Variants in RB1 observed in about 807,000 individuals in gnomAD.
RB1 encodes RB transcriptional corepressor 1.
RB1 carries 18 observed loss-of-function variants against 135.4 expected under a neutral mutation model. The observed-to-expected ratio is 0.13, with a 90% CI of 0.09 to 0.20. The LOEUF (loss-of-function observed/expected upper bound fraction) is 0.20, where lower values mean the gene tolerates loss of function less well. RB1 is among the 10% of genes least tolerant of loss of function. The pLI is 1.00. For synonymous variants in RB1, 365 were observed against 373.2 expected, an observed-to-expected ratio of 0.98 and a Z score of 0.25; for missense variants, 868 against 1,110.0, an observed-to-expected ratio of 0.78 and a Z score of 3.10.
In RB1 at chr13:48,319,821, C is replaced by G. The variant is rs1432996692; in HGVS notation, c.264+12415C>G. The G allele has an allele frequency of 1.3e-5, 4 of 317,356 alleles. No individual in the cohort carries two copies. Among genetic ancestry groups the G allele is most frequent in the African/African-American group, 2.2e-5 (1 of 45,016 alleles). 19.7% of individuals were successfully genotyped at this position (317,356 alleles called of 1,614,324 possible). The stretch of plus-strand genomic sequence containing the variant: ...GTTCTATTTCCGCCTTAATGCTCTG[C>G]TCGAAGGAGTCGTTGCTGCTCGCTC... On this transcript the variant is annotated intron_variant, in intron 2 of 26. Coordinates refer to ENST00000267163, the MANE Select transcript of RB1 (RefSeq NM_000321.3). The surrounding 1 kb of genome is among the most constrained non-coding windows in gnomAD (Gnocchi z 5.0).
intron 25 of RB1, 122 bp from the exon 26 acceptor site, chr13:48,477,233 T>A: frequency 1.4e-6 from 1 of 713,070 alleles, no homozygotes; most frequent in Non-Finnish European, 2.4e-6. Flanking sequence ...AATTTTAAAA[T>A]TAAAAGCTAC....
intron 9 of RB1, among the ~76,000 whole-genome samples, chr13:48,367,142 T>G (rs772871218): frequency 4.1e-5 from 6 of 147,380 alleles, no homozygotes; most frequent in Non-Finnish European, 9.0e-5. Flanking sequence ...AAAAAAAGAT[T>G]AAAAGTAAAG....
chr13:48,460,891 G>T (rs1949400832), intron 20 of RB1, among the ~76,000 whole-genome samples: 1 of 152,120 alleles, frequency 6.6e-6, no homozygotes, highest in Non-Finnish European at 1.5e-5. Flanking sequence ...AGCCCAGGAG[G>T]TGGAGGTTGC....
chr13:48,319,540 C>A lies in RB1; in HGVS notation c.264+12134C>A. On this transcript the variant is annotated intron_variant, in intron 2 of 26. Transcript: ENST00000267163. The surrounding 1 kb of genome is among the most constrained non-coding windows in gnomAD (Gnocchi z 5.0). ...CAGGGGGCTGCTGGCTTCGGGCTGC[C>A]CTTGTTCTCCTGCTTGGTCGTGACC... 1 of 261,492 alleles carries A rather than the reference C, an allele frequency of 3.8e-6. No individual in the cohort carries two copies. Among genetic ancestry groups the A allele is most frequent in the Admixed American group, 4.8e-5 (1 of 20,798 alleles). 16.2% of individuals were successfully genotyped at this position (261,492 alleles called of 1,614,324 possible). A position where few individuals can be genotyped will look rare whatever the true frequency, so the allele number is the denominator to read the frequency against.
chr13:48,405,388 A>G (rs1393097931), intron 17 of RB1, among the ~76,000 whole-genome samples: 1 of 152,222 alleles, frequency 6.6e-6, no homozygotes, highest in Non-Finnish European at 1.5e-5. Flanking sequence ...GAAGAATTTT[A>G]AGATTCATTC....
intron 17 of RB1, among the ~76,000 whole-genome samples, chr13:48,406,189 G>C (rs942100633): frequency 5.9e-5 from 9 of 151,834 alleles, no homozygotes; most frequent in African/African-American, 2.2e-4. Context: ...AGAATGCTGG[G>C]TCAAAGGGTT....
intron 2 of RB1, among the ~76,000 whole-genome samples, chr13:48,331,635 A>G (rs1249309499): frequency 6.6e-6 from 1 of 152,216 alleles, no homozygotes; most frequent in African/African-American, 2.4e-5. Flanking sequence ...ACTATTGTTC[A>G]ATGTTAGTGG....
chr13:48,304,241 A>G (rs1423655184), intron 1 of RB1, among the ~76,000 whole-genome samples, 192 bp downstream of exon 1: 4 of 149,076 alleles, frequency 2.7e-5, no homozygotes, highest in Non-Finnish European at 5.9e-5. Context: ...TTCTTGGGCG[A>G]GGGGTCTCGG....
chr13:48,357,133 G>T, intron 6 of RB1, among the ~76,000 whole-genome samples: 1 of 149,696 alleles, frequency 6.7e-6, no homozygotes, highest in African/African-American at 2.5e-5. Context: ...TGAAGGTTCT[G>T]CTGTTCATTT....
rs564881074 is a variant in RB1 at position 48,445,052 on chromosome 13, A to G, written c.1696-7941A>G. ...TCCTGAGTTATATGCATACAACCCCAAAGTTGTTTGCTGTCTGGAGCTGTG... is the reference window on the plus strand; with the variant it reads ...TCCTGAGTTATATGCATACAACCCCGAAGTTGTTTGCTGTCTGGAGCTGTG... On this transcript the variant is annotated intron_variant, in intron 17 of 26. Transcript: ENST00000267163. 5 of 152,230 alleles carry G rather than the reference A, an allele frequency of 3.3e-5. No homozygotes were observed. The East Asian group carries it at 7.7e-4, about 24-fold the overall frequency. The allele number at this position is 152,230 out of a possible 1,614,324, so 9.4% of individuals were successfully genotyped here. A position where few individuals can be genotyped will look rare whatever the true frequency, so the allele number is the denominator to read the frequency against.
At chr13:48,439,478 T>TA (rs1157592429) in intron 17 of RB1, 1 of 152,170 alleles carries the variant, frequency 6.6e-6, no homozygotes, top group African/African-American at 2.4e-5. Flanking sequence ...TTACGGTTGT[T>TA]AATCTTCCTT....
chr13:48,303,884 C>A lies in RB1; in HGVS notation c.-29C>A, dbSNP rs2138026808. 6.6e-7 allele frequency: 1 copy of A among 1,514,040 alleles called. No homozygotes were observed. The allele number at this position is 1,514,040 out of a possible 1,614,324, so 93.8% of individuals were successfully genotyped here. A position where few individuals can be genotyped will look rare whatever the true frequency, so the allele number is the denominator to read the frequency against. On this transcript the variant is annotated 5_prime_UTR_variant, in exon 1 of 27. Transcript: ENST00000267163. ...CGTCCTCCCCGGCGCTCCTCCACAG[C>A]TCGCTGGCTCCCGCCGCGGAAAGGC...
intron 2 of RB1, 25 bp downstream of exon 2, chr13:48,307,431 G>GTTCC (rs1952091181): frequency 1.9e-6 from 3 of 1,608,426 alleles, no homozygotes; most frequent in Non-Finnish European, 2.5e-6. Flanking sequence ...AAAACGTTTT[G>GTTCC]AAATTTTTTT....
At position 48,320,258 on chromosome 13, in the gene RB1, G is replaced by C. The variant is rs141471887; in HGVS notation, c.264+12852G>C. On this transcript the variant is annotated intron_variant, in intron 2 of 26. Coordinates refer to ENST00000267163, the MANE Select transcript of RB1 (RefSeq NM_000321.3). ...GCAGCTGGCTTGGCGTCTGCCCTGT[G>C]GCCCCTCTGTGCAGCGCGCTCATCG... is the stretch of plus-strand genomic sequence containing the variant. 6.2e-3 allele frequency: 7,224 copies of C among 1,164,300 alleles called. 31 individuals carry two copies. Among genetic ancestry groups the C allele is most frequent in the Middle Eastern group, 0.011 (38 of 3,514 alleles). The allele number at this position is 1,164,300 out of a possible 1,614,324, so 72.1% of individuals were successfully genotyped here.
In RB1 at chr13:48,340,458, A is replaced by T. The variant is rs1418509824; in HGVS notation, c.265-2141A>T. Among the ~76,000 whole-genome samples the T allele has an allele frequency of 3.3e-5, 5 of 152,284 alleles. No individual in the cohort carries two copies. In the East Asian group the frequency reaches 5.8e-4, roughly 18 times the overall value. ...TCACTTATGCATTTTATCATATCAG[A>T]TGATCCTGTGTTTCATTGTTTTGAC... On this transcript the variant is annotated intron_variant, in intron 2 of 26. Coordinates refer to ENST00000267163, the MANE Select transcript of RB1 (RefSeq NM_000321.3).
chr13:48,404,486 T>C (rs781354764), intron 17 of RB1, among the ~76,000 whole-genome samples: 1 of 151,028 alleles, frequency 6.6e-6, no homozygotes, highest in Non-Finnish European at 1.5e-5. Context: ...GGGCTTCAGA[T>C]GGAAAGGGCC....
intron 17 of RB1, among the ~76,000 whole-genome samples, chr13:48,415,499 G>T (rs1948893958): frequency 6.6e-6 from 1 of 151,968 alleles, no homozygotes; most frequent in Non-Finnish European, 1.5e-5. Flanking sequence ...GGCTGGTCTT[G>T]AACTCCTGAC....
chr13:48,458,107 T>C (rs1029016028), intron 19 of RB1, among the ~76,000 whole-genome samples: 1 of 152,042 alleles, frequency 6.6e-6, no homozygotes, highest in Non-Finnish European at 1.5e-5. Context: ...AGGGGCGGGG[T>C]TCCTGCTTGT....
intron 1 of RB1, among the ~76,000 whole-genome samples, chr13:48,306,143 G>A (rs775517149): frequency 2.0e-5 from 3 of 152,044 alleles, no homozygotes; most frequent in Non-Finnish European, 4.4e-5. Flanking sequence ...GTTGGCTCAC[G>A]CCTGTAATGC....
Sources: allele counts gnomAD v4.1 joint callset (sites outside exome capture counted in the v4.1 genomes callset), GRCh38; gene constraint gnomAD v4.1.1; non-coding constraint Gnocchi (gnomAD v3.1); transcripts MANE v1.5; gene names NCBI Gene and HGNC (gene_info 2026-07-23, HGNC 2026-07-21).